The following SAMTOR variants were observed in gnomAD, a reference collection of about 807,000 sequenced individuals.
SAMTOR encodes S-adenosylmethionine sensor upstream of mTORC1.
the SAMTOR span, among the ~76,000 whole-genome samples, chr7:112,884,595 A>C: frequency 1.3e-5 from 2 of 151,948 alleles, no homozygotes; most frequent in Non-Finnish European, 2.9e-5. Flanking sequence ...ATCTCCTTGG[A>C]CTCCATGTCT....
chr7:112,918,928 G>A, the SAMTOR span, among the ~76,000 whole-genome samples: 1 of 152,144 alleles, frequency 6.6e-6, no homozygotes, highest in Non-Finnish European at 1.5e-5. Context: ...CCCAAGACAG[G>A]AGCACCCAGA....
the SAMTOR span, among the ~76,000 whole-genome samples, chr7:112,844,881 T>A: frequency 1.2e-4 from 18 of 152,090 alleles, no homozygotes; most frequent in African/African-American, 4.3e-4. Flanking sequence ...CAAAACAGCA[T>A]GGTACTGGTA....
At chr7:112,935,133 T>G in the SAMTOR span, 62 of 365,466 alleles carry the variant, frequency 1.7e-4, 1 homozygote, top group South Asian at 1.3e-3. Flanking sequence ...GCTTTCTGAT[T>G]CTATATCAGA....
chr7:112,833,440 C>G, the SAMTOR span, among the ~76,000 whole-genome samples: 2 of 152,118 alleles, frequency 1.3e-5, no homozygotes, highest in African/African-American at 2.4e-5. Context: ...TAAGATAATA[C>G]ATTAATACTT....
the SAMTOR span, among the ~76,000 whole-genome samples, chr7:112,904,435 C>G: frequency 6.6e-6 from 1 of 152,002 alleles, no homozygotes; most frequent in Non-Finnish European, 1.5e-5. Flanking sequence ...AAGTAAATAA[C>G]TTGGGTCAGA....
chr7:112,895,131 T>C, the SAMTOR span, among the ~76,000 whole-genome samples: 1 of 151,972 alleles, frequency 6.6e-6, no homozygotes, highest in Admixed American at 6.6e-5. Flanking sequence ...ACTTTAATTG[T>C]ATTTTGCTGT....
the SAMTOR span, among the ~76,000 whole-genome samples, chr7:112,882,742 C>A: frequency 6.8e-6 from 1 of 147,406 alleles, no homozygotes; most frequent in African/African-American, 2.5e-5. Context: ...TAACTTCCTC[C>A]TTTACTACTG....
the SAMTOR span, among the ~76,000 whole-genome samples, chr7:112,901,313 T>C: frequency 4.6e-5 from 7 of 152,146 alleles, no homozygotes; most frequent in Admixed American, 2.0e-4. Flanking sequence ...CAGCACTAGA[T>C]TCTCATAGAA....
At chr7:112,824,804 T>C in the SAMTOR span, among the ~76,000 whole-genome samples, 4 of 152,326 alleles carry the variant, frequency 2.6e-5, no homozygotes, top group African/African-American at 9.6e-5. Flanking sequence ...TGGGCTTATT[T>C]GTGAACCATC....
chr7:112,921,467 A>C, the SAMTOR span, among the ~76,000 whole-genome samples: 2 of 151,500 alleles, frequency 1.3e-5, no homozygotes, highest in Non-Finnish European at 2.9e-5. Flanking sequence ...TAAAGACTTA[A>C]ACGTTAGACC....
chr7:112,902,429 C>A, the SAMTOR span, among the ~76,000 whole-genome samples: 44,153 of 57,744 alleles, frequency 0.76, 15,494 homozygotes, highest in East Asian at 0.87. Context: ...AAAAAAAAAA[C>A]AAAAAAAAAC....
At chr7:112,875,826 CATT>C in the SAMTOR span, among the ~76,000 whole-genome samples, 2 of 152,180 alleles carry the variant, frequency 1.3e-5, no homozygotes, top group African/African-American at 4.8e-5. Context: ...GTGGCTTCAT[CATT>C]GTTATACGTA....
chr7:112,915,459 G>C, the SAMTOR span: 1 of 1,568,172 alleles, frequency 6.4e-7, no homozygotes, highest in Non-Finnish European at 8.6e-7. Context: ...TAAAAACAAA[G>C]TGATAAATGA....
At chr7:112,914,276 G>GTTA in the SAMTOR span, among the ~76,000 whole-genome samples, 1 of 131,004 alleles carries the variant, frequency 7.6e-6, no homozygotes, top group African/African-American at 2.9e-5. Context: ...TTAGCCTCTA[G>GTTA]TTTTTTTTTT....
chr7:112,826,635 T>G, the SAMTOR span, among the ~76,000 whole-genome samples: 3 of 152,072 alleles, frequency 2.0e-5, no homozygotes, highest in Admixed American at 1.3e-4. Flanking sequence ...ATTTGATTTC[T>G]GCTCTGATCA....
the SAMTOR span, among the ~76,000 whole-genome samples, chr7:112,899,060 C>T: frequency 6.6e-6 from 1 of 152,132 alleles, no homozygotes; most frequent in Non-Finnish European, 1.5e-5. Context: ...GCATCAAGAA[C>T]AGTCAGGAAA....
At chr7:112,895,196 A>G in the SAMTOR span, among the ~76,000 whole-genome samples, 4 of 151,454 alleles carry the variant, frequency 2.6e-5, no homozygotes, top group African/African-American at 9.7e-5. Flanking sequence ...ATATAATTAC[A>G]TATTACATTG....
chr7:112,898,923 T>C, the SAMTOR span, among the ~76,000 whole-genome samples: 1 of 152,196 alleles, frequency 6.6e-6, no homozygotes, highest in Admixed American at 6.5e-5. Context: ...GCTTAGGTAA[T>C]ACTTTAGATA....
At chr7:112,852,126 G>T in the SAMTOR span, among the ~76,000 whole-genome samples, 21 of 152,152 alleles carry the variant, frequency 1.4e-4, no homozygotes, top group Middle Eastern at 3.4e-3. Context: ...CAAAGGAAAA[G>T]AAATTATATA....
Sources: allele counts gnomAD v4.1 joint callset (sites outside exome capture counted in the v4.1 genomes callset), GRCh38; gene constraint gnomAD v4.1.1; transcripts MANE v1.5; gene names NCBI Gene and HGNC (gene_info 2026-07-23, HGNC 2026-07-21).